The following WWOX variants were observed in gnomAD, a reference collection of about 807,000 sequenced individuals.
The protein encoded by WWOX is WW domain containing oxidoreductase, also known as WW domain-containing oxidoreductase.
A neutral mutation model predicts 46.2 loss-of-function variants in WWOX; 69 were observed. The observed-to-expected ratio is 1.49, with a 90% confidence interval of 1.23 to 1.82. The LOEUF (loss-of-function observed/expected upper bound fraction) is 1.82, where lower values mean the gene tolerates loss of function less well. Ranked by LOEUF, WWOX falls within the 40% of genes most tolerant of loss-of-function variation. The pLI is 0.00. For missense variants in WWOX, 919 were observed against 542.6 expected (o/e 1.69, Z -6.89); for synonymous variants, 359 against 202.6 (o/e 1.77, Z -6.56).
rs1363435557 is a variant in WWOX at position 78,314,688 on chromosome 16, GTTTTTTTTTTTTGTTT to G, written c.517-72159_517-72144del. On this transcript the variant is annotated intron_variant, in intron 5 of 8. Coordinates refer to ENST00000566780, the MANE Select transcript of WWOX (RefSeq NM_016373.4). ...TACAGGCACACCCCACCCTGCAGGG[GTTTTTTTTTTTTGTTT>G]TTTTTTTTTTTTTTTTTCTGTATTT... is the stretch of plus-strand genomic sequence containing the variant. Among the ~76,000 whole-genome samples the G allele has an allele frequency of 3.4e-4, 31 of 90,486 alleles. No homozygotes were observed. The East Asian group carries it at 0.01, about 30-fold the overall frequency. 59.4% of individuals were successfully genotyped at this position (90,486 alleles called of 152,430 possible).
At chr16:78,927,093 G>T (rs2045515809) in intron 8 of WWOX, among the ~76,000 whole-genome samples, 2 of 152,214 alleles carry the variant, frequency 1.3e-5, no homozygotes, top group South Asian at 4.1e-4. Flanking sequence ...ACCATGCCCT[G>T]CCCAGGCACC....
At chr16:78,396,245 C>T (rs985658044) in intron 6 of WWOX, among the ~76,000 whole-genome samples, 11 of 151,896 alleles carry the variant, frequency 7.2e-5, no homozygotes, top group Non-Finnish European at 1.0e-4. Context: ...AAAAACCTGC[C>T]CCTGGTGGAG....
At chr16:78,706,080 G>A (rs200601802) in intron 8 of WWOX, among the ~76,000 whole-genome samples, 1 of 14,050 alleles carries the variant, frequency 7.1e-5, no homozygotes, top group South Asian at 2.6e-3. Flanking sequence ...TTTTTTTTTT[G>A]ACTAAATTCA....
At chr16:78,300,942 A>G (rs911565340) in intron 5 of WWOX, among the ~76,000 whole-genome samples, 1 of 151,926 alleles carries the variant, frequency 6.6e-6, no homozygotes, top group Non-Finnish European at 1.5e-5. Flanking sequence ...TTGTCCATCC[A>G]TCCAACTACC....
At chr16:78,647,280 C>T (rs543578351) in intron 8 of WWOX, among the ~76,000 whole-genome samples, 1 of 152,254 alleles carries the variant, frequency 6.6e-6, no homozygotes, top group South Asian at 2.1e-4. Flanking sequence ...AAATGCTTTA[C>T]AGGAAGGGGA....
In WWOX at chr16:78,152,473, C is replaced by A. The variant is rs1474685246; in HGVS notation, c.410-11710C>A. 4.4e-4 allele frequency among the ~76,000 whole-genome samples: 67 copies of A among 152,076 alleles called. 2 individuals are homozygous for A. Among genetic ancestry groups the A allele is most frequent in the Admixed American group, 4.4e-3 (67 of 15,262 alleles). Reference sequence around the variant, plus strand: ...AAATTTGATAGCTATGTCCCAACTGCCCCCAAATATGTTAAGCCATTTCCT... The same window carrying A: ...AAATTTGATAGCTATGTCCCAACTGACCCCAAATATGTTAAGCCATTTCCT... On this transcript the variant is annotated intron_variant, in intron 4 of 8. Transcript: ENST00000566780.
chr16:78,490,488 G>T (rs140472284), intron 8 of WWOX, among the ~76,000 whole-genome samples: 3 of 152,208 alleles, frequency 2.0e-5, no homozygotes, highest in Non-Finnish European at 4.4e-5. Context: ...ATCTATTTAC[G>T]GTTTTCACAA....
intron 6 of WWOX, among the ~76,000 whole-genome samples, chr16:78,399,699 C>G (rs2082367806): frequency 6.6e-6 from 1 of 152,214 alleles, no homozygotes; most frequent in African/African-American, 2.4e-5. Flanking sequence ...CTGTGGTTTA[C>G]AATTATATTT....
At chr16:78,317,902 A>G (rs1398636534) in intron 5 of WWOX, among the ~76,000 whole-genome samples, 3 of 152,316 alleles carry the variant, frequency 2.0e-5, no homozygotes, top group East Asian at 3.9e-4. Flanking sequence ...TTTAGAAGAC[A>G]TTGCTAATCC....
chr16:78,964,718 C>G (rs975966075), intron 8 of WWOX, among the ~76,000 whole-genome samples: 5 of 151,840 alleles, frequency 3.3e-5, no homozygotes, highest in Non-Finnish European at 7.3e-5. Flanking sequence ...GTCTCCAGGC[C>G]ATGTCAGAGA....
In WWOX at chr16:79,212,380, T is replaced by C; in HGVS notation, c.*584T>C. The C allele has an allele frequency of 2.0e-6, 1 of 496,124 alleles. No individual in the cohort carries two copies. The highest frequency in any genetic ancestry group is 3.5e-6 in the Non-Finnish European group (1 of 286,256). 30.7% of individuals were successfully genotyped at this position (496,124 alleles called of 1,614,324 possible). A position where few individuals can be genotyped will look rare whatever the true frequency, so the allele number is the denominator to read the frequency against. ...CCAGAGGGAGTAGAATACGCAGAAC[T>C]ACCAGGTGGCAAAGTACTTGTCATA... is the stretch of plus-strand genomic sequence containing the variant. On this transcript the variant is annotated 3_prime_UTR_variant, in exon 9 of 9. Coordinates refer to ENST00000566780, the MANE Select transcript of WWOX (RefSeq NM_016373.4).
chr16:78,700,566 A>C (rs1292825130), intron 8 of WWOX, among the ~76,000 whole-genome samples: 2 of 152,216 alleles, frequency 1.3e-5, no homozygotes, highest in African/African-American at 2.4e-5. Flanking sequence ...TGCAGCCTTC[A>C]CAGGCAGGAA....
At chr16:78,481,330 T>C (rs2084480635) in intron 8 of WWOX, among the ~76,000 whole-genome samples, 1 of 152,184 alleles carries the variant, frequency 6.6e-6, no homozygotes, top group Admixed American at 6.5e-5. Context: ...TCTCTTGGTT[T>C]TCAGTGCTCA....
chr16:78,566,339 C>A (rs982106475), intron 8 of WWOX, among the ~76,000 whole-genome samples: 3 of 152,190 alleles, frequency 2.0e-5, no homozygotes, highest in East Asian at 1.9e-4. Flanking sequence ...ATCTCACTTA[C>A]CTCTCTACTA....
At chr16:78,417,937 G>A (rs1374377698) in intron 6 of WWOX, among the ~76,000 whole-genome samples, 1 of 152,210 alleles carries the variant, frequency 6.6e-6, no homozygotes, top group Non-Finnish European at 1.5e-5. Context: ...GCAACAGAAT[G>A]AATTATTCCT....
intron 8 of WWOX, among the ~76,000 whole-genome samples, chr16:79,184,526 C>T (rs975559695): frequency 6.6e-6 from 1 of 152,140 alleles, no homozygotes; most frequent in African/African-American, 2.4e-5. Context: ...TGGATTTTAG[C>T]ATCTTTCCCT....
intron 8 of WWOX, among the ~76,000 whole-genome samples, chr16:79,174,640 C>A (rs1297233989): frequency 6.6e-6 from 1 of 152,186 alleles, no homozygotes; most frequent in African/African-American, 2.4e-5. Context: ...AAGAGTGAAA[C>A]TCCATCTCAA....
chr16:78,814,511 G>C (rs1270438734), intron 8 of WWOX, among the ~76,000 whole-genome samples: 1 of 151,848 alleles, frequency 6.6e-6, no homozygotes, highest in Non-Finnish European at 1.5e-5. Flanking sequence ...TAGAATGTTG[G>C]CTTTTCATAT....
rs865854772 is a variant in WWOX, at chr16:78,230,415, T to C, written c.516+66126T>C. 1.3e-4 allele frequency among the ~76,000 whole-genome samples: 20 copies of C among 152,340 alleles called. No homozygotes were observed. The East Asian group carries it at 3.9e-3, about 29-fold the overall frequency. On this transcript the variant is annotated intron_variant, in intron 5 of 8. Coordinates refer to ENST00000566780, the MANE Select transcript of WWOX (RefSeq NM_016373.4). ...AGCATTTGACTGTTGCATCCTTTGA[T>C]TGGGCCATGTTCATGCAGCCAGCCT...
Sources: allele counts gnomAD v4.1 joint callset (sites outside exome capture counted in the v4.1 genomes callset), GRCh38; gene constraint gnomAD v4.1.1; transcripts MANE v1.5; gene names NCBI Gene and HGNC (gene_info 2026-07-23, HGNC 2026-07-21).